FMN1: variants seen among roughly 807,000 people sequenced by gnomAD.
The protein encoded by FMN1 is formin 1.
A neutral mutation model predicts 132.4 loss-of-function variants in FMN1; 110 were observed. The observed-to-expected ratio is 0.83, with a 90% confidence interval of 0.71 to 0.97. The LOEUF (loss-of-function observed/expected upper bound fraction) is 0.97. Ranked by LOEUF, FMN1 falls within the 50% of genes least tolerant of loss-of-function variation. The pLI, the probability that FMN1 is intolerant of heterozygous loss-of-function variation, is 0.00. For synonymous variants in FMN1, 722 were observed against 651.7 expected (o/e 1.11, Z -1.64); for missense variants, 1,792 against 1,705.3 (o/e 1.05, Z -0.90).
chr15:32,964,084 G>A lies in FMN1; in HGVS notation c.3138+23C>T, dbSNP rs201655491. The A allele has an allele frequency of 7.9e-5, 124 of 1,564,384 alleles. No individual in the cohort carries two copies. The African/African-American group carries it at 1.5e-3, about 19-fold the overall frequency. ...TTTCCCTGTATAATATATAATTACAGCTTTGCCATAATCACTCAGTACCTT... is the reference window on the plus strand; with the variant it reads ...TTTCCCTGTATAATATATAATTACAACTTTGCCATAATCACTCAGTACCTT... On this transcript the variant is annotated intron_variant, in intron 9 of 20. Coordinates refer to ENST00000616417, the MANE Select transcript of FMN1 (RefSeq NM_001277313.2).
chr15:33,036,657 A>G (rs554736084), intron 6 of FMN1, among the ~76,000 whole-genome samples: 6 of 152,280 alleles, frequency 3.9e-5, no homozygotes, highest in African/African-American at 1.4e-4. Flanking sequence ...TCTCTAAGCT[A>G]CAATATCTTT....
intron 17 of FMN1, among the ~76,000 whole-genome samples, chr15:32,838,479 A>AAATT (rs1460835673): frequency 1.0e-3 from 1 of 982 alleles, no homozygotes; most frequent in Non-Finnish European, 0.01. Flanking sequence ...AGGCGCAGTG[A>AAATT]ATGCTCAAGT....
intron 4 of FMN1, among the ~76,000 whole-genome samples, chr15:33,120,190 T>C (rs796189962): frequency 2.4e-4 from 37 of 152,336 alleles, no homozygotes; most frequent in African/African-American, 7.7e-4. Context: ...TTTTCACTTC[T>C]CAGAAATAAT....
chr15:32,785,218 A>ATTTTTTT lies in FMN1; in HGVS notation c.4131-8306_4131-8300dup, dbSNP rs1230723314. 4.8e-3 allele frequency among the ~76,000 whole-genome samples: 189 copies of ATTTTTTT among 39,174 alleles called. 20 individuals are homozygous for ATTTTTTT. Among genetic ancestry groups the ATTTTTTT allele is most frequent in the African/African-American group, 7.6e-3 (64 of 8,384 alleles). 25.7% of individuals were successfully genotyped at this position (39,174 alleles called of 152,430 possible). ...TGTGTGTGTATATATATATATATAT[A>ATTTTTTT]TTTTTTTTTTTTTTTTTTTGTAGAG... On this transcript the variant is annotated intron_variant, in intron 19 of 20. Coordinates refer to ENST00000616417, the MANE Select transcript of FMN1 (RefSeq NM_001277313.2).
chr15:32,793,452 G>A (rs1308001085), intron 19 of FMN1, among the ~76,000 whole-genome samples: 1 of 151,840 alleles, frequency 6.6e-6, no homozygotes, highest in Non-Finnish European at 1.5e-5. Context: ...GCCAAGTTTT[G>A]TATTTTTTAG....
intron 17 of FMN1, among the ~76,000 whole-genome samples, chr15:32,813,587 T>G (rs1215973193): frequency 6.6e-6 from 1 of 152,238 alleles, no homozygotes; most frequent in Non-Finnish European, 1.5e-5. Flanking sequence ...ATTCTACTAC[T>G]TTTGTTCCTC....
intron 17 of FMN1, among the ~76,000 whole-genome samples, chr15:32,841,719 A>T (rs1269547309): frequency 3.3e-5 from 5 of 152,176 alleles, no homozygotes; most frequent in Admixed American, 2.6e-4. Flanking sequence ...CTGTGTAGTA[A>T]CACAGAGAGT....
intron 3 of FMN1, among the ~76,000 whole-genome samples, chr15:33,169,064 T>C (rs543277339): frequency 3.3e-4 from 51 of 152,342 alleles, no homozygotes; most frequent in African/African-American, 1.2e-3. Context: ...GTCACGATAG[T>C]TCTTTCACAC....
At chr15:32,895,827 C>T (rs1029924911) in intron 15 of FMN1, among the ~76,000 whole-genome samples, 6 of 151,888 alleles carry the variant, frequency 4.0e-5, no homozygotes, top group Non-Finnish European at 8.8e-5. Context: ...AGTTTTAAGT[C>T]ATTTTTGAGA....
chr15:32,950,004 C>CAT (rs1313590591), intron 9 of FMN1, among the ~76,000 whole-genome samples: 2 of 22,440 alleles, frequency 8.9e-5, no homozygotes, highest in African/African-American at 2.8e-4. Context: ...TACACATACA[C>CAT]ATATATATAT....
At chr15:33,032,057 AAC>A (rs2035963453) in intron 6 of FMN1, among the ~76,000 whole-genome samples, 1 of 152,266 alleles carries the variant, frequency 6.6e-6, no homozygotes, top group South Asian at 2.1e-4. Flanking sequence ...TGCTAATATT[AAC>A]AGTTATCGTA....
intron 7 of FMN1, among the ~76,000 whole-genome samples, chr15:32,983,837 G>C (rs564992491): frequency 6.6e-6 from 1 of 152,288 alleles, no homozygotes; most frequent in Non-Finnish European, 1.5e-5. Context: ...ATCTTTTAGA[G>C]GTTTCTCTGT....
intron 6 of FMN1, among the ~76,000 whole-genome samples, chr15:33,024,379 C>CAGG (rs1398249447): frequency 2.0e-5 from 3 of 151,742 alleles, no homozygotes; most frequent in African/African-American, 4.8e-5. Context: ...CCTGAGTAGC[C>CAGG]AGGACTACAG....
intron 19 of FMN1, among the ~76,000 whole-genome samples, chr15:32,788,803 T>G (rs562970515): frequency 6.6e-6 from 1 of 152,290 alleles, no homozygotes; most frequent in Non-Finnish European, 1.5e-5. Flanking sequence ...TAGCCATGAA[T>G]CCAAAGGATC....
Position 32,769,976 on chromosome 15 carries a change from T to G in FMN1, c.*4334A>C, listed in dbSNP as rs1439909372. ...GAAGCTCAAATATAACTGATGCTTG[T>G]TAGCAATTTAAAAAGACAATTTAAA... On this transcript the variant is annotated 3_prime_UTR_variant, in exon 21 of 21. Coordinates refer to ENST00000616417, the MANE Select transcript of FMN1 (RefSeq NM_001277313.2). The G allele has an allele frequency of 6.6e-6, 1 of 152,246 alleles. No homozygotes were observed. The highest frequency in any genetic ancestry group is 1.5e-5 in the Non-Finnish European group (1 of 68,038). The allele number at this position is 152,246 out of a possible 1,614,324, so 9.4% of individuals were successfully genotyped here. A position where few individuals can be genotyped will look rare whatever the true frequency, so the allele number is the denominator to read the frequency against.
intron 16 of FMN1, among the ~76,000 whole-genome samples, chr15:32,884,272 AG>A (rs1195525860): frequency 6.6e-6 from 1 of 152,164 alleles, no homozygotes; most frequent in Admixed American, 6.5e-5. Context: ...TCCCTTTTAG[AG>A]GCTCTAGGGA....
chr15:33,118,270 T>C (rs1333267243), intron 4 of FMN1, among the ~76,000 whole-genome samples: 2 of 152,236 alleles, frequency 1.3e-5, no homozygotes, highest in African/African-American at 4.8e-5. Flanking sequence ...TTTTCTCATT[T>C]GTTATATTAA....
chr15:33,045,065 G>A (rs1462492821), intron 6 of FMN1, among the ~76,000 whole-genome samples: 2 of 152,246 alleles, frequency 1.3e-5, no homozygotes, highest in African/African-American at 4.8e-5. Context: ...AGCCAGGGCT[G>A]TGACACCTGC....
intron 4 of FMN1, chr15:33,151,471 A>C: frequency 7.5e-7 from 1 of 1,333,080 alleles, no homozygotes; most frequent in Non-Finnish European, 1.0e-6. Flanking sequence ...CAGTGGGCTC[A>C]CGGTCAGTCT....
Sources: gnomAD v4.1 joint callset for allele counts (sites outside exome capture counted in the v4.1 genomes callset) on GRCh38, gnomAD v4.1.1 for gene constraint, MANE v1.5 for transcripts, NCBI Gene and HGNC (gene_info 2026-07-23, HGNC 2026-07-21) for gene names.